Variants in KRT37 observed in about 807,000 individuals in gnomAD.
KRT37 encodes the protein keratin, type I cuticular Ha7.
A neutral mutation model predicts 41.9 loss-of-function variants in KRT37; 38 were observed. That is an observed-to-expected ratio of 0.91 (90% CI 0.70 to 1.19). The LOEUF is 1.19. Ranked by LOEUF, KRT37 falls within the 50% of genes most tolerant of loss-of-function variation. KRT37 has a pLI of 0.00. For synonymous variants in KRT37, 252 were observed against 243.4 expected, an observed-to-expected ratio of 1.04 and a Z score of -0.33; for missense variants, 580 against 575.5, an observed-to-expected ratio of 1.01 and a Z score of -0.08.
chr17:41,422,292 T>C lies in KRT37; in HGVS notation c.875A>G (p.Glu292Gly). The C allele has an allele frequency of 6.2e-7, 1 of 1,614,072 alleles. No individual in the cohort carries two copies. Among genetic ancestry groups the C allele is most frequent in the South Asian group, 1.1e-5 (1 of 91,070 alleles). Reference sequence around the variant, plus strand: ...ACTCACCTGGGCTTGGAACCACTGTTCCACATCCTGGTGGTTGGTCTCCAC... The same window carrying C: ...ACTCACCTGGGCTTGGAACCACTGTCCCACATCCTGGTGGTTGGTCTCCAC... ...AMVETNHQDV[E>G]QWFQAQSEGI... is the part of the protein sequence containing the mutation. Residue 292 changes from glutamate (E) to glycine (G), a missense_variant, in exon 4 of 7, where the codon GAA (glutamate) becomes GGA (glycine). Coordinates refer to ENST00000225550, the MANE Select transcript of KRT37 (RefSeq NM_003770.5).
rs751171337 is a variant in KRT37 at position 41,424,069 on chromosome 17, T to C, written c.455A>G (p.Gln152Arg). 2.5e-6 allele frequency: 4 copies of C among 1,614,076 alleles called. No homozygotes were observed. ...CTCCTCGATTGTACGGAAGTAGGAC[T>C]GGTAGTCGGGGCACACGGTGGACTC... is the stretch of plus-strand genomic sequence containing the variant. ...CHESTVCPDY[Q>R]SYFRTIEELQ... Residue 152 changes from glutamine to arginine, a missense_variant, in exon 1 of 7, where the codon CAG (glutamine) becomes CGG (arginine). Coordinates refer to ENST00000225550, the MANE Select transcript of KRT37 (RefSeq NM_003770.5).
Position 41,424,312 on chromosome 17 carries a change from G to T in KRT37, c.212C>A (p.Pro71Gln). 6 of 1,613,984 alleles carry T rather than the reference G, an allele frequency of 3.7e-6. No homozygotes were observed. In the Middle Eastern group the frequency reaches 9.9e-4, roughly 266 times the overall value. ...CAAGGGACAAGCAGTGTGACTGGTT[G>T]GGGGCAGACAGAGGCTGGGGCGGCC... ...PLGRPSLCLP[P>Q]TSHTACPLPG... is the part of the protein sequence containing the mutation. The change falls in exon 1 of 7, where the codon CCA (proline) becomes CAA (glutamine). Residue 71 changes from proline to glutamine, a missense_variant. By Grantham distance (76) the Pro-to-Gln change is moderately conservative. Coordinates refer to ENST00000225550, the MANE Select transcript of KRT37 (RefSeq NM_003770.5).
rs559120108 is a variant in KRT37 at position 41,423,063 on chromosome 17, C to T, written c.576-129G>A. The stretch of plus-strand genomic sequence containing the variant: ...CGTGGGCAGTATACACTATTCTCAA[C>T]CCTGCAGCGACACGGTTTGTAGTCA... On this transcript the variant is annotated intron_variant, in intron 2 of 6. Transcript: ENST00000225550. 151 of 1,121,312 alleles carry T rather than the reference C, an allele frequency of 1.3e-4. No homozygotes were observed. In the African/African-American group the frequency reaches 2.3e-3, roughly 17 times the overall value. 69.5% of individuals were successfully genotyped at this position (1,121,312 alleles called of 1,614,324 possible). A position where few individuals can be genotyped will look rare whatever the true frequency, so the allele number is the denominator to read the frequency against.
intron 3 of KRT37, 113 bp from the exon 4 acceptor site, chr17:41,422,547 CA>C: frequency 1.4e-6 from 2 of 1,432,982 alleles, no homozygotes; most frequent in Admixed American, 1.9e-5. Flanking sequence ...CACACATAAG[CA>C]AATGGGAAAG....
chr17:41,421,542 C>T lies in KRT37; in HGVS notation c.1066G>A (p.Gly356Ser), dbSNP rs761796405. The T allele has an allele frequency of 2.0e-5, 33 of 1,614,082 alleles. No individual in the cohort carries two copies. Among genetic ancestry groups the T allele is most frequent in the South Asian group, 1.6e-4 (15 of 91,092 alleles). The change falls in exon 6 of 7, where the codon GGC becomes AGC. Residue 356 changes from glycine to serine, a missense_variant. Transcript: ENST00000225550. ...NSLCEAEDRY[G>S]TELAQMQSLI... The stretch of plus-strand genomic sequence containing the variant: ...CTCTGCATCTGGGCCAGCTCTGTGC[C>T]GTAGCGGTCCTCCGCTTCACACAGG...
intron 3 of KRT37, 111 bp from the exon 4 acceptor site, chr17:41,422,545 A>C: frequency 7.0e-7 from 1 of 1,434,180 alleles, no homozygotes; most frequent in Non-Finnish European, 9.6e-7. Flanking sequence ...CCCACACATA[A>C]GCAAATGGGA....
rs2018532567 is a variant in KRT37 at position 41,421,022 on chromosome 17, T to C, written c.1242-36A>G. 2.0e-6 allele frequency: 3 copies of C among 1,516,892 alleles called. No individual in the cohort carries two copies. The African/African-American group carries it at 4.1e-5, about 21-fold the overall frequency. 94.0% of individuals were successfully genotyped at this position (1,516,892 alleles called of 1,614,324 possible). ...AGAAAGAAGAGTTACATTAAAAAGA[T>C]GTCTCAGTGATTGATGGACAAGGGT... On this transcript the variant is annotated intron_variant, in intron 6 of 6. Transcript: ENST00000225550.
chr17:41,423,952 C>A, intron 1 of KRT37, 80 bp downstream of exon 1: 1 of 1,604,288 alleles, frequency 6.2e-7, no homozygotes, highest in South Asian at 1.1e-5. Flanking sequence ...ACCCAAAGCT[C>A]TCTGGACCTT....
rs375440985 is a variant in KRT37, at chr17:41,421,422, G to C, written c.1186C>G (p.Arg396Gly). 1.2e-6 allele frequency: 2 copies of C among 1,614,020 alleles called. No individual in the cohort carries two copies. The highest frequency in any genetic ancestry group is 1.7e-6 in the Non-Finnish European group (2 of 1,180,030). Residue 396 changes from arginine (R) to glycine (G), a missense_variant, in exon 6 of 7, where the codon CGG (arginine) becomes GGG (glycine). Arg to Gly is a moderately radical substitution (Grantham distance 125, BLOSUM62 -2). Coordinates refer to ENST00000225550, the MANE Select transcript of KRT37 (RefSeq NM_003770.5). ...EYQVLLDVKA[R>G]LENEIATYRN... is the part of the protein sequence containing the mutation. ...TATGTGGCAATCTCGTTCTCCAACC[G>C]GGCCTTCACGTCCAGCAGCACCTGG...
chr17:41,422,484 T>C (rs1279115047), intron 3 of KRT37, 50 bp from the exon 4 acceptor site: 2 of 1,603,118 alleles, frequency 1.2e-6, no homozygotes, highest in South Asian at 1.1e-5. Context: ...CGGCCTTTGA[T>C]GGAGCAGACA....
chr17:41,423,720 A>G, intron 2 of KRT37, 42 bp downstream of exon 2: 3 of 1,579,480 alleles, frequency 1.9e-6, no homozygotes, highest in South Asian at 1.1e-5. Context: ...TTGGAAATAC[A>G]GCAGGAGAGA....
At chr17:41,421,634 C>T in intron 5 of KRT37, 47 bp from the exon 6 acceptor site, 1 of 1,577,336 alleles carries the variant, frequency 6.3e-7, no homozygotes, top group Non-Finnish European at 8.7e-7. Context: ...CCCCAAAACT[C>T]AGCAGTGAAA....
Position 41,424,568 on chromosome 17 carries a change from G to A in KRT37, c.-45C>T, listed in dbSNP as rs1275357856. The A allele has an allele frequency of 1.3e-6, 2 of 1,523,932 alleles. No individual in the cohort carries two copies. Among genetic ancestry groups the A allele is most frequent in the East Asian group, 4.5e-5 (2 of 43,974 alleles). The allele number at this position is 1,523,932 out of a possible 1,614,324, so 94.4% of individuals were successfully genotyped here. A position where few individuals can be genotyped will look rare whatever the true frequency, so the allele number is the denominator to read the frequency against. ...ACAGGAGCTTCAGATCAGCTGGGAA[G>A]GCTGAGCCACTGAGACTGAAGCCTC... On this transcript the variant is annotated 5_prime_UTR_variant, in exon 1 of 7. Coordinates refer to ENST00000225550, the MANE Select transcript of KRT37 (RefSeq NM_003770.5).
intron 5 of KRT37, among the ~76,000 whole-genome samples, chr17:41,421,857 G>A (rs796078606): frequency 2.0e-5 from 3 of 152,158 alleles, no homozygotes; most frequent in Admixed American, 1.3e-4. Flanking sequence ...CTGAACTTCC[G>A]CACTGTGTTG....
chr17:41,422,333 AGCCC>A lies in KRT37; in HGVS notation c.830_833del (p.Arg277LeufsTer46). The A allele has an allele frequency of 6.2e-7, 1 of 1,614,118 alleles. No homozygotes were observed. The highest frequency in any genetic ancestry group is 8.5e-7 in the Non-Finnish European group (1 of 1,180,010). On this transcript the variant is annotated frameshift_variant, in exon 4 of 7. Transcript: ENST00000225550. LOFTEE classifies it high-confidence loss of function. ...TGGTCTCCACCATGGCCTCGTACTGAGCCCGCATCTCCCCCAACACCCTGTTCAG... is the reference window on the plus strand; with the variant it reads ...TGGTCTCCACCATGGCCTCGTACTGAGCATCTCCCCCAACACCCTGTTCAG...
chr17:41,421,369 G>T lies in KRT37; in HGVS notation c.1239C>A (p.Cys413Ter), dbSNP rs1407709950. The T allele has an allele frequency of 6.2e-7, 1 of 1,614,048 alleles. No individual in the cohort carries two copies. The highest frequency in any genetic ancestry group is 8.5e-7 in the Non-Finnish European group (1 of 1,179,994). ...TYRNLLESED[C>*]KLPCNPCSTP... ...GGAATTGCCCAGATCACACGTACTT[G>T]CAGTCCTCGCTCTCCAGAAGGTTCC... The change falls in exon 6 of 7, where the codon TGC (cysteine) becomes TGA (stop). Residue 413 changes from cysteine to a stop codon, truncating the protein, a stop_gained and splice_region_variant. Transcript: ENST00000225550. LOFTEE classifies it low-confidence loss of function (END_TRUNC).
chr17:41,420,778 A>G lies in KRT37; in HGVS notation c.*100T>C, dbSNP rs1464709565. ...TCTGCTACCGGTTGATTTAGGGAAA[A>G]TGCCTCAGTGAGTCTAGTCTTGAAG... On this transcript the variant is annotated 3_prime_UTR_variant, in exon 7 of 7. Transcript: ENST00000225550. 1.4e-6 allele frequency: 1 copy of G among 698,594 alleles called. No homozygotes were observed. The highest frequency in any genetic ancestry group is 2.5e-6 in the Non-Finnish European group (1 of 407,764). The allele number at this position is 698,594 out of a possible 1,614,324, so 43.3% of individuals were successfully genotyped here. A position where few individuals can be genotyped will look rare whatever the true frequency, so the allele number is the denominator to read the frequency against.
rs1444111484 is a variant in KRT37, at chr17:41,421,424, G to T, written c.1184C>A (p.Ala395Asp). 6.2e-7 allele frequency: 1 copy of T among 1,614,216 alleles called. No homozygotes were observed. The highest frequency in any genetic ancestry group is 1.3e-5 in the African/African-American group (1 of 75,054). ...TGTGGCAATCTCGTTCTCCAACCGGGCCTTCACGTCCAGCAGCACCTGGTA... is the reference window on the plus strand; with the variant it reads ...TGTGGCAATCTCGTTCTCCAACCGGTCCTTCACGTCCAGCAGCACCTGGTA... ...QEYQVLLDVK[A>D]RLENEIATYR... The change falls in exon 6 of 7, where the codon GCC becomes GAC. Residue 395 changes from alanine to aspartate, a missense_variant. Coordinates refer to ENST00000225550, the MANE Select transcript of KRT37 (RefSeq NM_003770.5).
In KRT37 at chr17:41,424,260, G is replaced by A. The variant is rs1301212572; in HGVS notation, c.264C>T (p.Asn88=). Residue 88 remains asparagine, a synonymous_variant, in exon 1 of 7, where the codon AAC becomes AAT. Coordinates refer to ENST00000225550, the MANE Select transcript of KRT37 (RefSeq NM_003770.5). ...TGCCGTAGGCCCCACAGATTCCGATGTTGCCGGGAATGTGACAGGTCCCTG... is the reference window on the plus strand; with the variant it reads ...TGCCGTAGGCCCCACAGATTCCGATATTGCCGGGAATGTGACAGGTCCCTG... ...PLPGTCHIPG[N]IGICGAYGKN... 6.2e-7 allele frequency: 1 copy of A among 1,614,230 alleles called. No individual in the cohort carries two copies. Among genetic ancestry groups the A allele is most frequent in the South Asian group, 1.1e-5 (1 of 91,082 alleles).
Sources: gnomAD v4.1 joint callset for allele counts (sites outside exome capture counted in the v4.1 genomes callset) on GRCh38, gnomAD v4.1.1 for gene constraint, MANE v1.5 for transcripts, NCBI Gene and HGNC (gene_info 2026-07-23, HGNC 2026-07-21) for gene names.